The following NDUFS4 variants were observed in gnomAD, a reference collection of about 807,000 sequenced individuals.
NDUFS4 encodes NADH dehydrogenase [ubiquinone] iron-sulfur protein 4, mitochondrial.
NDUFS4 carries 28 observed loss-of-function variants against 24.3 expected under a neutral mutation model. The ratio of observed to expected loss-of-function variants is 1.15; its 90% CI spans 0.85 to 1.58. The LOEUF is 1.58. Among genes scored for constraint, NDUFS4 ranks in the 40% most tolerant of loss-of-function variants. The probability of loss-of-function intolerance (pLI) is 0.00; values close to 1 mark genes in which losing one functional copy is unlikely to be tolerated. For missense variants in NDUFS4, 223 were observed against 207.9 expected (o/e 1.07, Z -0.45); for synonymous variants, 93 against 69.7 (o/e 1.34, Z -1.67).
At chr5:53,586,329 CAAA>C (rs539748080) in intron 1 of NDUFS4, among the ~76,000 whole-genome samples, 13 of 69,914 alleles carry the variant, frequency 1.9e-4, no homozygotes, top group Non-Finnish European at 2.9e-4. Context: ...AACTTCATCT[CAAA>C]AAAAAAAAAA....
At chr5:53,676,704 T>G (rs1483566289) in intron 4 of NDUFS4, among the ~76,000 whole-genome samples, 1 of 152,210 alleles carries the variant, frequency 6.6e-6, no homozygotes, top group African/African-American at 2.4e-5. Flanking sequence ...AGGCAGAGCA[T>G]TATCCTGCTT....
At chr5:53,579,853 T>C (rs539805053) in intron 1 of NDUFS4, among the ~76,000 whole-genome samples, 1 of 152,250 alleles carries the variant, frequency 6.6e-6, no homozygotes, top group African/African-American at 2.4e-5. Context: ...AGAAATAGTG[T>C]AGAGTTGGAA....
At chr5:53,587,197 C>T (rs1246981901) in intron 1 of NDUFS4, among the ~76,000 whole-genome samples, 5 of 152,046 alleles carry the variant, frequency 3.3e-5, no homozygotes, top group African/African-American at 4.8e-5. Context: ...ACTGCTTACC[C>T]CACTCCCAAA....
chr5:53,599,207 A>G (rs1016956312), intron 1 of NDUFS4, among the ~76,000 whole-genome samples: 2 of 152,068 alleles, frequency 1.3e-5, no homozygotes, highest in African/African-American at 2.4e-5. Flanking sequence ...GCTTTTGGCT[A>G]TTTGAAAAAT....
At chr5:53,583,429 G>A (rs1749637523) in intron 1 of NDUFS4, among the ~76,000 whole-genome samples, 1 of 152,170 alleles carries the variant, frequency 6.6e-6, no homozygotes, top group South Asian at 2.1e-4. Context: ...TGAAGGAATG[G>A]ACATGTATTG....
intron 2 of NDUFS4, among the ~76,000 whole-genome samples, chr5:53,618,778 C>G (rs1229128269): frequency 1.3e-5 from 2 of 151,996 alleles, no homozygotes; most frequent in South Asian, 2.1e-4. Context: ...GTACTTATTC[C>G]TATTATTATA....
intron 2 of NDUFS4, among the ~76,000 whole-genome samples, 178 bp downstream of exon 2, chr5:53,603,708 A>G (rs1579861183): frequency 6.6e-6 from 1 of 152,328 alleles, no homozygotes; most frequent in East Asian, 1.9e-4. Flanking sequence ...ATTAAGCATT[A>G]TAAACAAATA....
At chr5:53,632,973 C>T (rs1223389640) in intron 2 of NDUFS4, among the ~76,000 whole-genome samples, 1 of 152,154 alleles carries the variant, frequency 6.6e-6, no homozygotes, top group Non-Finnish European at 1.5e-5. Context: ...TACCTACTAA[C>T]ACCCTTGACA....
At chr5:53,621,733 G>A (rs1328727967) in intron 2 of NDUFS4, among the ~76,000 whole-genome samples, 147 of 110,596 alleles carry the variant, frequency 1.3e-3, no homozygotes, top group African/African-American at 5.1e-3. Context: ...ACGGAGTTTC[G>A]CTCTGTCGCC....
intron 3 of NDUFS4, among the ~76,000 whole-genome samples, chr5:53,655,870 G>T (rs1214530193): frequency 1.3e-5 from 2 of 152,150 alleles, no homozygotes; most frequent in Non-Finnish European, 2.9e-5. Flanking sequence ...AGCACAAGGT[G>T]TTTACCCACA....
chr5:53,591,131 A>G (rs1279471237), intron 1 of NDUFS4, among the ~76,000 whole-genome samples: 3 of 152,172 alleles, frequency 2.0e-5, no homozygotes, highest in Non-Finnish European at 4.4e-5. Flanking sequence ...AGGCAAAATA[A>G]TATTCAATTG....
chr5:53,594,872 T>TTGTGTGTGTGTG (rs60887057), intron 1 of NDUFS4, among the ~76,000 whole-genome samples: 62 of 148,424 alleles, frequency 4.2e-4, no homozygotes, highest in African/African-American at 1.5e-3. Context: ...ATGTCTGTGT[T>TTGTGTGTGTGTG]TGTGTGTGTG....
Position 53,621,078 on chromosome 5 carries a change from T to G in NDUFS4, c.177+17548T>G, listed in dbSNP as rs138220237. 4.4e-3 allele frequency among the ~76,000 whole-genome samples: 668 copies of G among 152,344 alleles called. 2 individuals carry two copies. The highest frequency in any genetic ancestry group is 6.1e-3 in the Non-Finnish European group (417 of 68,026). The stretch of plus-strand genomic sequence containing the variant: ...CAAACTATAATTGGTATCTTTCCTG[T>G]GTGTGTTGGATCACATTTTTGCTTC... On this transcript the variant is annotated intron_variant, in intron 2 of 4. Transcript: ENST00000296684.
At chr5:53,584,309 A>G (rs1442605452) in intron 1 of NDUFS4, among the ~76,000 whole-genome samples, 1 of 152,206 alleles carries the variant, frequency 6.6e-6, no homozygotes, top group Non-Finnish European at 1.5e-5. Context: ...TAGGAATTAG[A>G]ATCTTGGTAT....
intron 2 of NDUFS4, among the ~76,000 whole-genome samples, chr5:53,619,604 T>A (rs1750968645): frequency 1.3e-5 from 2 of 151,878 alleles, no homozygotes; most frequent in South Asian, 4.1e-4. Context: ...GTGGAAACAT[T>A]AATTTGGAAA....
intron 2 of NDUFS4, among the ~76,000 whole-genome samples, chr5:53,611,205 G>A (rs941789109): frequency 2.3e-4 from 32 of 140,634 alleles, no homozygotes; most frequent in Non-Finnish European, 1.2e-4. Context: ...AAAACTTGTG[G>A]TTTTTTTTTT....
intron 4 of NDUFS4, among the ~76,000 whole-genome samples, chr5:53,672,931 C>T (rs538830179): frequency 6.6e-6 from 1 of 152,146 alleles, no homozygotes; most frequent in South Asian, 2.1e-4. Flanking sequence ...CATTGATTTC[C>T]AGTTGACATT....
chr5:53,670,319 C>T (rs1329142575), intron 4 of NDUFS4, among the ~76,000 whole-genome samples: 1 of 151,930 alleles, frequency 6.6e-6, no homozygotes, highest in Non-Finnish European at 1.5e-5. Context: ...TAGATCTACA[C>T]TATCCAATAT....
At chr5:53,605,667 C>G (rs546257397) in intron 2 of NDUFS4, among the ~76,000 whole-genome samples, 1 of 152,274 alleles carries the variant, frequency 6.6e-6, no homozygotes, top group South Asian at 2.1e-4. Context: ...CCCTCAAGTA[C>G]CAAAATCCGT....
Sources: allele counts gnomAD v4.1 joint callset (sites outside exome capture counted in the v4.1 genomes callset), GRCh38; gene constraint gnomAD v4.1.1; transcripts MANE v1.5; gene names NCBI Gene and HGNC (gene_info 2026-07-23, HGNC 2026-07-21).